Variants in MLLT3 observed in about 807,000 individuals in gnomAD.
MLLT3 encodes the protein protein AF-9.
MLLT3 carries 4 observed loss-of-function variants against 53.2 expected under a neutral mutation model. That is an observed-to-expected ratio of 0.08 (90% CI 0.04 to 0.17). The LOEUF is 0.17. Ranked by LOEUF, MLLT3 falls within the 10% of genes least tolerant of loss-of-function variation. The pLI is 1.00. For missense variants in MLLT3, 569 were observed against 684.0 expected, an observed-to-expected ratio of 0.83 and a Z score of 1.87; for synonymous variants, 283 against 230.6, an observed-to-expected ratio of 1.23 and a Z score of -2.06.
At chr9:20,608,705 T>G (rs1489139160) in intron 2 of MLLT3, among the ~76,000 whole-genome samples, 1 of 152,000 alleles carries the variant, frequency 6.6e-6, no homozygotes, top group African/African-American at 2.4e-5. Flanking sequence ...AAGACAGTCT[T>G]AATCATGTTC....
At chr9:20,601,269 T>C (rs1820414588) in intron 2 of MLLT3, among the ~76,000 whole-genome samples, 2 of 152,202 alleles carry the variant, frequency 1.3e-5, no homozygotes, top group Non-Finnish European at 2.9e-5. Context: ...TTCAAAAAGA[T>C]GTCTCTGGCT....
chr9:20,375,775 G>C (rs546746843), intron 5 of MLLT3, among the ~76,000 whole-genome samples: 1 of 151,404 alleles, frequency 6.6e-6, no homozygotes, highest in East Asian at 2.0e-4. Flanking sequence ...CGCCCGGCTA[G>C]GTTTTTGTAT....
chr9:20,388,061 TTTGA>T (rs1822085717), intron 5 of MLLT3, among the ~76,000 whole-genome samples: 1 of 152,198 alleles, frequency 6.6e-6, no homozygotes, highest in Non-Finnish European at 1.5e-5. Context: ...AGATCAGTAT[TTTGA>T]TTATTACCTA....
chr9:20,613,740 G>C (rs923998945), intron 2 of MLLT3, among the ~76,000 whole-genome samples: 10 of 152,098 alleles, frequency 6.6e-5, no homozygotes, highest in Non-Finnish European at 1.3e-4. Flanking sequence ...TTTCCACACA[G>C]ATTGGCAAAG....
chr9:20,519,909 G>A (rs1437240918), intron 2 of MLLT3, among the ~76,000 whole-genome samples: 3 of 152,182 alleles, frequency 2.0e-5, no homozygotes, highest in African/African-American at 7.2e-5. Context: ...TATGTTCACT[G>A]CAGCACTATT....
intron 5 of MLLT3, among the ~76,000 whole-genome samples, chr9:20,386,445 T>A (rs1262913073): frequency 6.6e-6 from 1 of 152,202 alleles, no homozygotes; most frequent in East Asian, 1.9e-4. Flanking sequence ...GGCTTTTCCT[T>A]CGTGGCTGTA....
chr9:20,539,899 G>T (rs970744920), intron 2 of MLLT3, among the ~76,000 whole-genome samples: 1 of 152,152 alleles, frequency 6.6e-6, no homozygotes, highest in Non-Finnish European at 1.5e-5. Context: ...CCATCTAGAA[G>T]CCTATAAAAT....
At position 20,620,594 on chromosome 9, in the gene MLLT3, G is replaced by A. The variant is rs1173122176; in HGVS notation, c.193+60C>T. ...GGGGAGCGGGACAGCGGGACCGCCC[G>A]GGCCAAGCGATTGTTTCAAAGACAT... On this transcript the variant is annotated intron_variant, in intron 2 of 10. Coordinates refer to ENST00000380338, the MANE Select transcript of MLLT3 (RefSeq NM_004529.4). This position sits in a 1 kb window ranked among gnomAD's most constrained non-coding sequence, Gnocchi z 6.1. The A allele has an allele frequency of 1.3e-6, 2 of 1,514,642 alleles. No homozygotes were observed. The highest frequency in any genetic ancestry group is 1.4e-5 in the African/African-American group (1 of 72,140). The allele number at this position is 1,514,642 out of a possible 1,614,324, so 93.8% of individuals were successfully genotyped here.
intron 2 of MLLT3, among the ~76,000 whole-genome samples, chr9:20,569,707 G>C (rs1237508090): frequency 6.6e-6 from 1 of 152,116 alleles, no homozygotes; most frequent in Non-Finnish European, 1.5e-5. Flanking sequence ...GGAGTGAAGA[G>C]ACCATTCCAA....
chr9:20,575,557 A>G (rs536055255), intron 2 of MLLT3, among the ~76,000 whole-genome samples: 6 of 152,358 alleles, frequency 3.9e-5, no homozygotes, highest in Non-Finnish European at 7.3e-5. Context: ...CACAGACTGC[A>G]GAATAGATGC....
intron 5 of MLLT3, among the ~76,000 whole-genome samples, chr9:20,412,490 G>A (rs1438900893): frequency 7.7e-6 from 1 of 129,094 alleles, no homozygotes; most frequent in African/African-American, 3.9e-5. Flanking sequence ...TGGACCACTG[G>A]GGATCAGTGT....
At chr9:20,525,235 G>A (rs762872705) in intron 2 of MLLT3, among the ~76,000 whole-genome samples, 8 of 151,612 alleles carry the variant, frequency 5.3e-5, no homozygotes, top group South Asian at 2.1e-4. Flanking sequence ...AGTGGCTCAC[G>A]CCTGTAATCC....
intron 4 of MLLT3, among the ~76,000 whole-genome samples, chr9:20,443,240 A>AAAAAAAG (rs1239367275): frequency 6.6e-6 from 1 of 152,080 alleles, no homozygotes; most frequent in Non-Finnish European, 1.5e-5. Context: ...TTTCCAGGCC[A>AAAAAAAG]AAAAAAGAAA....
intron 2 of MLLT3, among the ~76,000 whole-genome samples, chr9:20,496,545 A>AAC (rs1311060581): frequency 1.3e-5 from 2 of 152,134 alleles, no homozygotes; most frequent in South Asian, 2.1e-4. Context: ...GCACTGTAAA[A>AAC]ACACACACAC....
At chr9:20,530,633 GGTGTT>G (rs1818307949) in intron 2 of MLLT3, among the ~76,000 whole-genome samples, 1 of 152,194 alleles carries the variant, frequency 6.6e-6, no homozygotes, top group Non-Finnish European at 1.5e-5. Flanking sequence ...AATATAAACA[GGTGTT>G]CAGTAAACCA....
At position 20,545,856 on chromosome 9, in the gene MLLT3, CAAAAAA is replaced by C. The variant is rs5896901; in HGVS notation, c.193+74792_193+74797del. 7.0e-3 allele frequency among the ~76,000 whole-genome samples: 698 copies of C among 99,844 alleles called. 4 individuals are homozygous for C. The highest frequency in any genetic ancestry group is 0.029 in the Middle Eastern group (6 of 210). The allele number at this position is 99,844 out of a possible 152,430, so 65.5% of individuals were successfully genotyped here. ...AAATAAAGTAAGACCCAGTCTCTACCAAAAAAAAAAAAAAAAAAAAAATTAAAAATT... is the reference window on the plus strand; with the variant it reads ...AAATAAAGTAAGACCCAGTCTCTACCAAAAAAAAAAAAAAAATTAAAAATT... On this transcript the variant is annotated intron_variant, in intron 2 of 10. Transcript: ENST00000380338.
In MLLT3 at chr9:20,349,533, TA is replaced by T. The variant is rs11303969; in HGVS notation, c.1576-2960del. The stretch of plus-strand genomic sequence containing the variant: ...AAAACTCAGAAAGGCCGGCTTGAAT[TA>T]AAAAAAAAAAATTGTAACTCATTCT... On this transcript the variant is annotated intron_variant, in intron 10 of 10. Transcript: ENST00000380338. Among the ~76,000 whole-genome samples, 1,031 of 147,024 alleles carry T rather than the reference TA, an allele frequency of 7.0e-3. 11 individuals are homozygous for T. The highest frequency in any genetic ancestry group is 0.021 in the African/African-American group (838 of 40,304).
chr9:20,550,934 AT>A lies in MLLT3; in HGVS notation c.193+69719del, dbSNP rs1818910227. Among the ~76,000 whole-genome samples, 3 of 151,544 alleles carry A rather than the reference AT, an allele frequency of 2.0e-5. No homozygotes were observed. The South Asian group carries it at 6.3e-4, about 32-fold the overall frequency. The stretch of plus-strand genomic sequence containing the variant: ...CATCATGCCCAGCTAAATTTTTTTC[AT>A]TTTTTTCTTGGTAGAAATGGGGTCT... On this transcript the variant is annotated intron_variant, in intron 2 of 10. Transcript: ENST00000380338.
intron 2 of MLLT3, among the ~76,000 whole-genome samples, chr9:20,504,622 T>C (rs1825340716): frequency 6.6e-6 from 1 of 152,058 alleles, no homozygotes. Flanking sequence ...GTTCAAAGGA[T>C]ATAAAATTTC....
Sources: gnomAD v4.1 joint callset for allele counts (sites outside exome capture counted in the v4.1 genomes callset) on GRCh38, gnomAD v4.1.1 for gene constraint, Gnocchi (gnomAD v3.1) non-coding constraint, MANE v1.5 for transcripts, NCBI Gene and HGNC (gene_info 2026-07-23, HGNC 2026-07-21) for gene names.